Variants in DCP1B observed in about 807,000 individuals in gnomAD.
The protein encoded by DCP1B is decapping mRNA 1B, also known as mRNA-decapping enzyme 1B.
In DCP1B, 47 loss-of-function variants were observed where a neutral mutation model predicts 60.5. The observed-to-expected ratio is 0.78, with a 90% CI of 0.61 to 0.99. DCP1B has a LOEUF of 0.99. Ranked by LOEUF, DCP1B falls within the 50% of genes least tolerant of loss-of-function variation. The pLI is 0.00. For missense variants in DCP1B, 725 were observed against 756.8 expected (o/e 0.96, Z 0.49); for synonymous variants, 267 against 280.3 (o/e 0.95, Z 0.47).
rs745486161 is a variant in DCP1B, at chr12:1,962,637, A to C, written c.522+2921T>G. 2.6e-5 allele frequency among the ~76,000 whole-genome samples: 4 copies of C among 151,970 alleles called. No individual in the cohort carries two copies. The highest frequency in any genetic ancestry group is 6.6e-5 in the Admixed American group (1 of 15,250). ...TTCAACTAGTTGCCAAGTCATCATA[A>C]TTTTTTTTAATGACTTTTGAAGAAT... is the stretch of plus-strand genomic sequence containing the variant. On this transcript the variant is annotated intron_variant, in intron 5 of 8. Transcript: ENST00000280665. The surrounding 1 kb of genome is among the most constrained non-coding windows in gnomAD (Gnocchi z 4.4).
chr12:1,956,634 A>C (rs1168011249), intron 5 of DCP1B, among the ~76,000 whole-genome samples: 1 of 152,230 alleles, frequency 6.6e-6, no homozygotes, highest in African/African-American at 2.4e-5. Context: ...ATGCAAAATC[A>C]CCTTATAAGT....
chr12:1,968,679 T>A (rs895502313), intron 3 of DCP1B, among the ~76,000 whole-genome samples: 1 of 152,226 alleles, frequency 6.6e-6, no homozygotes, highest in African/African-American at 2.4e-5. Flanking sequence ...CTTCTCCTTC[T>A]CTCAGGAACA....
Position 1,971,125 on chromosome 12 carries a change from T to C in DCP1B, c.320-3215A>G, listed in dbSNP as rs1225393304. The C allele has an allele frequency of 7.8e-7, 1 of 1,289,346 alleles. No individual in the cohort carries two copies. Among genetic ancestry groups the C allele is most frequent in the Non-Finnish European group, 1.0e-6 (1 of 988,534 alleles). 79.9% of individuals were successfully genotyped at this position (1,289,346 alleles called of 1,614,324 possible). A position where few individuals can be genotyped will look rare whatever the true frequency, so the allele number is the denominator to read the frequency against. On this transcript the variant is annotated intron_variant, in intron 3 of 8. Transcript: ENST00000280665. This position sits in a 1 kb window ranked among gnomAD's most constrained non-coding sequence, Gnocchi z 4.2. ...ACCAGCCGCTTCCCAGCCACCTGTC[T>C]GCCAACACGGAGGTCAAGTTTAAGG...
intron 3 of DCP1B, 152 bp from the exon 4 acceptor site, chr12:1,968,062 A>G: frequency 1.4e-6 from 1 of 695,594 alleles, no homozygotes; most frequent in African/African-American, 1.8e-5. Context: ...ATTGGGGTTA[A>G]AGCTTAAAAA....
intron 4 of DCP1B, among the ~76,000 whole-genome samples, chr12:1,966,470 T>C (rs905269515): frequency 1.3e-5 from 2 of 152,202 alleles, no homozygotes; most frequent in African/African-American, 4.8e-5. Flanking sequence ...ATTCTTATTA[T>C]TGCCATGAAG....
At chr12:2,003,939 C>G (rs2042766243) in intron 1 of DCP1B, among the ~76,000 whole-genome samples, 1 of 152,216 alleles carries the variant, frequency 6.6e-6, no homozygotes, top group Non-Finnish European at 1.5e-5. Flanking sequence ...TAACAGAACT[C>G]TGCTCTACTT....
chr12:1,994,497 G>C (rs1291578096), intron 2 of DCP1B, among the ~76,000 whole-genome samples: 1 of 152,178 alleles, frequency 6.6e-6, no homozygotes, highest in Non-Finnish European at 1.5e-5. Context: ...TAAAGTGGTG[G>C]TAAGCATACA....
Position 1,949,228 on chromosome 12 carries a change from C to T in DCP1B, c.1631G>A (p.Gly544Asp). 6.2e-7 allele frequency: 1 copy of T among 1,614,102 alleles called. No homozygotes were observed. The highest frequency in any genetic ancestry group is 1.1e-5 in the South Asian group (1 of 91,080). ...CTCCTGGCCTCCCACAGGCAAGAGG[C>T]CGCTCTCCCTTTCCTTTGGCGGGAC... ...TSVPPKERESGLLPVGGQEPP... is the reference protein window; with the variant it reads ...TSVPPKERESDLLPVGGQEPP... The change falls in exon 8 of 9, where the codon GGC (glycine) becomes GAC (aspartate). Residue 544 changes from glycine (G) to aspartate (D), a missense_variant. Coordinates refer to ENST00000280665, the MANE Select transcript of DCP1B (RefSeq NM_152640.5).
At chr12:1,942,843 G>A (rs571998291), downstream of DCP1B, among the ~76,000 whole-genome samples, 6 of 152,164 alleles carry the variant, frequency 3.9e-5, no homozygotes, top group South Asian at 2.1e-4. Flanking sequence ...AGAAGAAAGC[G>A]GGAATGATCT....
intron 2 of DCP1B, among the ~76,000 whole-genome samples, chr12:1,993,757 A>G (rs530167916): frequency 6.6e-6 from 1 of 152,298 alleles, no homozygotes; most frequent in East Asian, 1.9e-4. Flanking sequence ...ATACTTTTTA[A>G]AAGTTAAATT....
intron 3 of DCP1B, among the ~76,000 whole-genome samples, chr12:1,977,869 C>T (rs1210787224): frequency 6.6e-6 from 1 of 152,010 alleles, no homozygotes; most frequent in African/African-American, 2.4e-5. Flanking sequence ...AACTTTGGAG[C>T]TTTGGAAGAC....
intron 3 of DCP1B, among the ~76,000 whole-genome samples, chr12:1,986,248 C>T (rs2037747087): frequency 6.6e-6 from 1 of 152,188 alleles, no homozygotes; most frequent in Non-Finnish European, 1.5e-5. Flanking sequence ...ATGTAGCTCA[C>T]AGGTGGACCC....
At chr12:1,951,727 G>A (rs1159367773) in intron 7 of DCP1B, among the ~76,000 whole-genome samples, 1 of 152,186 alleles carries the variant, frequency 6.6e-6, no homozygotes, top group Non-Finnish European at 1.5e-5. Flanking sequence ...TAAGGAGTCT[G>A]TTTTCTTCAT....
intron 3 of DCP1B, among the ~76,000 whole-genome samples, chr12:1,987,072 A>G (rs888530470): frequency 3.3e-5 from 5 of 152,222 alleles, no homozygotes; most frequent in Non-Finnish European, 7.3e-5. Flanking sequence ...TGAAGGCTTC[A>G]AAAGGTTTAC....
intron 2 of DCP1B, among the ~76,000 whole-genome samples, chr12:1,993,771 TAAAGATATTTTA>T: frequency 2.0e-5 from 3 of 152,326 alleles, no homozygotes; most frequent in East Asian, 3.9e-4. Context: ...TTAAATTAAT[TAAAGATATTTTA>T]AACAATCTTG....
intron 3 of DCP1B, among the ~76,000 whole-genome samples, chr12:1,987,687 T>C (rs1414144259): frequency 1.3e-5 from 2 of 152,292 alleles, no homozygotes; most frequent in Non-Finnish European, 2.9e-5. Flanking sequence ...GAGGATTCAG[T>C]TTTCTTACAA....
At chr12:1,996,781 C>T (rs946755644) in intron 2 of DCP1B, among the ~76,000 whole-genome samples, 2 of 152,110 alleles carry the variant, frequency 1.3e-5, no homozygotes, top group African/African-American at 4.8e-5. Context: ...CTTCCATGAT[C>T]ACAGCAGCCC....
At chr12:1,960,429 A>G (rs1167748102) in intron 5 of DCP1B, among the ~76,000 whole-genome samples, 2 of 152,182 alleles carry the variant, frequency 1.3e-5, no homozygotes, top group African/African-American at 4.8e-5. Context: ...ACAAACTTTC[A>G]ATTAGACAGG....
Position 1,998,015 on chromosome 12 carries a change from T to C in DCP1B, c.151-40A>G, listed in dbSNP as rs113272741. ...CAAAACACACAAGACATGTATGTTC[T>C]CTTCAATTCACAAAGGTATAAAACA... is the stretch of plus-strand genomic sequence containing the variant. On this transcript the variant is annotated intron_variant, in intron 1 of 8. Transcript: ENST00000280665. 2.6e-5 allele frequency: 40 copies of C among 1,563,606 alleles called. 1 individual carries two copies. The African/African-American group carries it at 2.6e-4, about 10-fold the overall frequency.
Sources: allele counts gnomAD v4.1 joint callset (sites outside exome capture counted in the v4.1 genomes callset), GRCh38; gene constraint gnomAD v4.1.1; non-coding constraint Gnocchi (gnomAD v3.1); transcripts MANE v1.5; gene names NCBI Gene and HGNC (gene_info 2026-07-23, HGNC 2026-07-21).